The following ATF7IP2 variants were observed in gnomAD, a reference collection of about 807,000 sequenced individuals.
ATF7IP2 encodes activating transcription factor 7 interacting protein 2, also known as activating transcription factor 7-interacting protein 2.
ATF7IP2 carries 42 observed loss-of-function variants against 64.2 expected under a neutral mutation model. The observed-to-expected ratio is 0.65, with a 90% CI of 0.51 to 0.85. The LOEUF (loss-of-function observed/expected upper bound fraction) is 0.85. ATF7IP2 is among the 40% of genes least tolerant of loss of function. The pLI is 0.00. For missense variants in ATF7IP2, 933 were observed against 784.2 expected, an observed-to-expected ratio of 1.19 and a Z score of -2.27; for synonymous variants, 308 against 272.8, an observed-to-expected ratio of 1.13 and a Z score of -1.27.
intron 8 of ATF7IP2, among the ~76,000 whole-genome samples, chr16:10,453,412 C>T (rs931254012): frequency 3.3e-5 from 5 of 152,166 alleles, no homozygotes; most frequent in Non-Finnish European, 7.3e-5. Flanking sequence ...TGTGGCTACA[C>T]CCACTGTCCA....
intron 1 of ATF7IP2, among the ~76,000 whole-genome samples, chr16:10,396,115 A>T (rs184623668): frequency 2.5e-4 from 38 of 152,344 alleles, no homozygotes; most frequent in African/African-American, 8.7e-4. Flanking sequence ...ATATACTTGC[A>T]AAGAGGAATC....
chr16:10,401,659 T>G (rs2141772813), intron 1 of ATF7IP2, among the ~76,000 whole-genome samples: 1 of 152,282 alleles, frequency 6.6e-6, no homozygotes, highest in East Asian at 1.9e-4. Flanking sequence ...TCCCTCTTTT[T>G]TTTGAATAGT....
chr16:10,390,182 C>T (rs1223434570), intron 1 of ATF7IP2, among the ~76,000 whole-genome samples: 1 of 151,778 alleles, frequency 6.6e-6, no homozygotes, highest in Non-Finnish European at 1.5e-5. Flanking sequence ...CACTGGAGAA[C>T]AGAGATGTTT....
At chr16:10,441,303 C>T (rs765668422) in intron 8 of ATF7IP2, among the ~76,000 whole-genome samples, 5 of 152,142 alleles carry the variant, frequency 3.3e-5, no homozygotes, top group Non-Finnish European at 5.9e-5. Context: ...AGTTCTGGTT[C>T]TATAGATCCT....
intron 3 of ATF7IP2, among the ~76,000 whole-genome samples, chr16:10,425,015 A>T (rs1291785738): frequency 6.6e-6 from 1 of 150,492 alleles, no homozygotes; most frequent in Non-Finnish European, 1.5e-5. Context: ...TGAAAACATT[A>T]TGTCCACATA....
intron 8 of ATF7IP2, among the ~76,000 whole-genome samples, chr16:10,455,886 G>C (rs2049147081): frequency 6.6e-6 from 1 of 152,226 alleles, no homozygotes. Context: ...GTGTTACGTA[G>C]TGGCAGGAAG....
At position 10,416,922 on chromosome 16, in the gene ATF7IP2, T is replaced by C. The variant is rs186977923; in HGVS notation, c.-203+2310T>C. On this transcript the variant is annotated intron_variant, in intron 2 of 13. Transcript: ENST00000562102. ...ATAACTAAGACTATAATTGGATTGT[T>C]TGTAACACAAAGGATAAATGCTTCA... Among the ~76,000 whole-genome samples, 3 of 152,340 alleles carry C rather than the reference T, an allele frequency of 2.0e-5. No individual in the cohort carries two copies. In the East Asian group the frequency reaches 5.8e-4, roughly 29 times the overall value.
In ATF7IP2 at chr16:10,401,446, G is replaced by T. The variant is rs541570375; in HGVS notation, c.-241-13128G>T. On this transcript the variant is annotated intron_variant, in intron 1 of 13. Coordinates refer to ENST00000562102, the MANE Select transcript of ATF7IP2 (RefSeq NM_001393719.1). ...GCCTCCCACAGTGCTGGGATTACAG[G>T]CGTGAGCCACTGTGCTTGGCCTGTT... Among the ~76,000 whole-genome samples the T allele has an allele frequency of 2.0e-5, 3 of 152,308 alleles. No homozygotes were observed. In the South Asian group the frequency reaches 6.2e-4, roughly 32 times the overall value.
At position 10,433,405 on chromosome 16, in the gene ATF7IP2, C is replaced by A. The variant is rs373909615; in HGVS notation, c.836-120C>A. 3.1e-5 allele frequency: 27 copies of A among 862,266 alleles called. No homozygotes were observed. The East Asian group carries it at 6.1e-4, about 19-fold the overall frequency. The allele number at this position is 862,266 out of a possible 1,614,324, so 53.4% of individuals were successfully genotyped here. The stretch of plus-strand genomic sequence containing the variant: ...GCCCAGGCTGGTCTTGAACTCCTGG[C>A]CTTAAGCCACCCTCCCTCCTTAGCC... On this transcript the variant is annotated intron_variant, in intron 5 of 13. Coordinates refer to ENST00000562102, the MANE Select transcript of ATF7IP2 (RefSeq NM_001393719.1).
chr16:10,479,164 G>A (rs545481990), intron 12 of ATF7IP2, among the ~76,000 whole-genome samples: 1 of 150,064 alleles, frequency 6.7e-6, no homozygotes, highest in Non-Finnish European at 1.5e-5. Context: ...TATACCCAAA[G>A]GACTATAAAT....
At chr16:10,435,291 C>T (rs934384079) in intron 6 of ATF7IP2, among the ~76,000 whole-genome samples, 3 of 152,154 alleles carry the variant, frequency 2.0e-5, no homozygotes, top group East Asian at 1.9e-4. Context: ...GGAGCATGGC[C>T]GGGTTAATTC....
intron 3 of ATF7IP2, among the ~76,000 whole-genome samples, chr16:10,425,585 TAAATTGATAC>T (rs1431447499): frequency 1.3e-5 from 2 of 152,126 alleles, no homozygotes; most frequent in East Asian, 3.8e-4. Context: ...ACAGGAAACA[TAAATTGATAC>T]AAAAATGTTA....
intron 8 of ATF7IP2, among the ~76,000 whole-genome samples, chr16:10,442,802 C>T (rs1294572925): frequency 6.6e-6 from 1 of 152,172 alleles, no homozygotes; most frequent in East Asian, 1.9e-4. Context: ...TCAGCTGTTC[C>T]TTTAATGGCA....
chr16:10,396,659 T>C (rs2047425111), intron 1 of ATF7IP2, among the ~76,000 whole-genome samples: 2 of 151,802 alleles, frequency 1.3e-5, no homozygotes, highest in Admixed American at 1.3e-4. Flanking sequence ...TTGTTGTTTG[T>C]TTGTTTGTTT....
At chr16:10,432,828 A>G (rs7204785) in intron 5 of ATF7IP2, among the ~76,000 whole-genome samples, 57,112 of 152,032 alleles carry the variant, frequency 0.38, 13,005 homozygotes, top group Non-Finnish European at 0.5. Flanking sequence ...CACTGAGCCA[A>G]GATCGTGCCA....
intron 5 of ATF7IP2, among the ~76,000 whole-genome samples, chr16:10,431,990 A>ATTTTTTTTTTTT (rs34029007): frequency 9.0e-6 from 1 of 111,608 alleles, no homozygotes; most frequent in Admixed American, 1.0e-4. Flanking sequence ...CGCCCGGCTA[A>ATTTTTTTTTTTT]TTTTTTTTTT....
intron 12 of ATF7IP2, among the ~76,000 whole-genome samples, chr16:10,475,225 A>G (rs543149339): frequency 6.6e-5 from 10 of 152,354 alleles, no homozygotes; most frequent in Admixed American, 2.6e-4. Flanking sequence ...AAAGATAGTC[A>G]CAGGATTGGA....
At chr16:10,464,154 A>G (rs192548239) in intron 9 of ATF7IP2, among the ~76,000 whole-genome samples, 39 of 152,296 alleles carry the variant, frequency 2.6e-4, no homozygotes, top group Admixed American at 1.0e-3. Context: ...AGATATTTAG[A>G]TATTTTTTTC....
chr16:10,433,513 G>T lies in ATF7IP2; in HGVS notation c.836-12G>T. ...AAAATATCTTTCTTTCTAATCTTTT[G>T]ATCTCCTCAAGGCCATTATCAAAAG... On this transcript the variant is annotated splice_polypyrimidine_tract_variant and intron_variant, in intron 5 of 13. Transcript: ENST00000562102. 3 of 1,603,122 alleles carry T rather than the reference G, an allele frequency of 1.9e-6. No individual in the cohort carries two copies. Among genetic ancestry groups the T allele is most frequent in the South Asian group, 2.2e-5 (2 of 89,434 alleles).
Sources: gnomAD v4.1 joint callset for allele counts (sites outside exome capture counted in the v4.1 genomes callset) on GRCh38, gnomAD v4.1.1 for gene constraint, MANE v1.5 for transcripts, NCBI Gene and HGNC (gene_info 2026-07-23, HGNC 2026-07-21) for gene names.